Variants in UBE2O observed in about 807,000 individuals in gnomAD.
UBE2O encodes the protein ubiquitin conjugating enzyme E2 O, also known as (E3-independent) E2 ubiquitin-conjugating enzyme.
A neutral mutation model predicts 125.8 loss-of-function variants in UBE2O; 15 were observed. That is an observed-to-expected ratio of 0.12 (90% CI 0.08 to 0.18). UBE2O has a LOEUF of 0.18. Ranked by LOEUF, UBE2O falls within the 10% of genes least tolerant of loss-of-function variation. The probability of loss-of-function intolerance (pLI) is 1.00; values close to 1 mark genes in which losing one functional copy is unlikely to be tolerated. For missense variants in UBE2O, 1,280 were observed against 1,723.6 expected, an observed-to-expected ratio of 0.74 and a Z score of 4.56; for synonymous variants, 708 against 703.2, an observed-to-expected ratio of 1.01 and a Z score of -0.11.
chr17:76,435,451 CACACAA>C (rs1376319416), intron 1 of UBE2O, among the ~76,000 whole-genome samples: 22 of 134,980 alleles, frequency 1.6e-4, no homozygotes, highest in Middle Eastern at 4.0e-3. Context: ...CACACACACA[CACACAA>C]AGATTAAGAT....
At chr17:76,447,800 C>T (rs915016889) in intron 1 of UBE2O, among the ~76,000 whole-genome samples, 1 of 152,158 alleles carries the variant, frequency 6.6e-6, no homozygotes, top group Non-Finnish European at 1.5e-5. Flanking sequence ...CCTTTTGCTT[C>T]CCAAGGTGCC....
intron 13 of UBE2O, 60 bp downstream of exon 13, chr17:76,397,739 G>T: frequency 6.5e-7 from 1 of 1,539,058 alleles, no homozygotes; most frequent in Non-Finnish European, 9.0e-7. Context: ...CACGCCTGTG[G>T]CCCCCGGCCC....
chr17:76,424,692 G>T (rs1598609106), intron 1 of UBE2O, among the ~76,000 whole-genome samples: 1 of 151,774 alleles, frequency 6.6e-6, no homozygotes. Flanking sequence ...CTGGGCAACA[G>T]AGTAAGACCC....
intron 5 of UBE2O, chr17:76,401,812 G>A (rs1017949840): frequency 6.9e-6 from 2 of 291,616 alleles, no homozygotes; most frequent in Non-Finnish European, 1.3e-5. Flanking sequence ...GGAGGTGGAG[G>A]TTGCAGTGAG....
chr17:76,399,042 G>A lies in UBE2O; in HGVS notation c.1629-51C>T. On this transcript the variant is annotated intron_variant, in intron 9 of 17. Coordinates refer to ENST00000319380, the MANE Select transcript of UBE2O (RefSeq NM_022066.4). This position sits in a 1 kb window ranked among gnomAD's most constrained non-coding sequence, Gnocchi z 6.9. The stretch of plus-strand genomic sequence containing the variant: ...CCATGCAAACCCCACCCCCTCCGCG[G>A]AAAGGGCAGAGAGTCTTTCTGTCCC... 1.3e-6 allele frequency: 2 copies of A among 1,595,322 alleles called. No homozygotes were observed. Among genetic ancestry groups the A allele is most frequent in the Non-Finnish European group, 1.7e-6 (2 of 1,172,040 alleles).
rs1028387017 is a variant in UBE2O at position 76,390,703 on chromosome 17, A to T, written c.*240T>A. The T allele has an allele frequency of 2.4e-6, 1 of 424,510 alleles. No individual in the cohort carries two copies. Among genetic ancestry groups the T allele is most frequent in the African/African-American group, 2.0e-5 (1 of 49,148 alleles). The allele number at this position is 424,510 out of a possible 1,614,324, so 26.3% of individuals were successfully genotyped here. ...TGGGGTGACAAATGGAAAATCGGCA[A>T]CAGGGTTCCGATTTTCTTTGCCACA... On this transcript the variant is annotated 3_prime_UTR_variant, in exon 18 of 18. Transcript: ENST00000319380.
intron 1 of UBE2O, among the ~76,000 whole-genome samples, chr17:76,431,912 T>C (rs2072913888): frequency 6.6e-6 from 1 of 152,196 alleles, no homozygotes; most frequent in Admixed American, 6.5e-5. Flanking sequence ...GTCCCATGGA[T>C]TGCTGTGATC....
Position 76,395,951 on chromosome 17 carries a change from G to C in UBE2O, c.2810-90C>G. 6.3e-7 allele frequency: 1 copy of C among 1,575,546 alleles called. No homozygotes were observed. The highest frequency in any genetic ancestry group is 8.7e-7 in the Non-Finnish European group (1 of 1,156,026). ...GGCTGGACAGGTGAGCACACCCACA[G>C]ACTTCCCACTCGCCGCTGCTGGCCT... On this transcript the variant is annotated intron_variant, in intron 14 of 17. Transcript: ENST00000319380. This position sits in a 1 kb window ranked among gnomAD's most constrained non-coding sequence, Gnocchi z 5.0.
At chr17:76,403,945 T>C (rs2072374400) in intron 3 of UBE2O, among the ~76,000 whole-genome samples, 1 of 152,092 alleles carries the variant, frequency 6.6e-6, no homozygotes, top group Non-Finnish European at 1.5e-5. Context: ...GAACAGATAA[T>C]AGTAGTAATT....
chr17:76,442,015 G>T (rs549161358), intron 1 of UBE2O, among the ~76,000 whole-genome samples: 1 of 152,308 alleles, frequency 6.6e-6, no homozygotes, highest in African/African-American at 2.4e-5. Flanking sequence ...CCTAAGGTGA[G>T]GACTGGGTGC....
chr17:76,415,956 T>C (rs931226842), intron 1 of UBE2O, among the ~76,000 whole-genome samples: 9 of 151,934 alleles, frequency 5.9e-5, no homozygotes, highest in African/African-American at 1.5e-4. Flanking sequence ...CATATGCACA[T>C]ACACGTATAT....
chr17:76,439,754 G>A (rs187544948), intron 1 of UBE2O, among the ~76,000 whole-genome samples: 4 of 152,236 alleles, frequency 2.6e-5, no homozygotes, highest in Non-Finnish European at 4.4e-5. Context: ...CGCCCAGGAC[G>A]CCCTGCCCTC....
chr17:76,428,624 C>T (rs1361023343), intron 1 of UBE2O, among the ~76,000 whole-genome samples: 1 of 152,178 alleles, frequency 6.6e-6, no homozygotes, highest in Admixed American at 6.5e-5. Flanking sequence ...TGGCCTCTAC[C>T]TTCCATACTG....
chr17:76,420,406 C>T (rs2072689823), intron 1 of UBE2O, among the ~76,000 whole-genome samples: 2 of 151,718 alleles, frequency 1.3e-5, no homozygotes, highest in Admixed American at 6.6e-5. Context: ...CTTCCTGCAT[C>T]GTTTTGTTTT....
intron 1 of UBE2O, among the ~76,000 whole-genome samples, chr17:76,434,374 C>T (rs1482099979): frequency 1.3e-5 from 2 of 152,014 alleles, no homozygotes; most frequent in Non-Finnish European, 1.5e-5. Flanking sequence ...ATGGGAGAAA[C>T]GGAGAGGAAG....
chr17:76,397,778 G>A (rs769889286), intron 13 of UBE2O, 21 bp downstream of exon 13: 3 of 1,613,126 alleles, frequency 1.9e-6, no homozygotes, highest in Admixed American at 1.7e-5. Flanking sequence ...GCTCAGCAGG[G>A]GGGTCTTGCC....
chr17:76,447,975 G>A (rs59035745), intron 1 of UBE2O, among the ~76,000 whole-genome samples: 16,719 of 152,188 alleles, frequency 0.11, 1,180 homozygotes, highest in South Asian at 0.23. Context: ...GGATCATATC[G>A]GGGTTAGGAA....
Position 76,399,192 on chromosome 17 carries a change from T to G in UBE2O, c.1629-201A>C. On this transcript the variant is annotated intron_variant, in intron 9 of 17. Transcript: ENST00000319380. The surrounding 1 kb of genome is among the most constrained non-coding windows in gnomAD (Gnocchi z 6.9). ...GCATTCTCTGAGAACAGGATCCACT[T>G]GGGAGAGCTCAGGCAAATGTGGTTC... 1 of 777,538 alleles carries G rather than the reference T, an allele frequency of 1.3e-6. No homozygotes were observed. The highest frequency in any genetic ancestry group is 2.0e-6 in the Non-Finnish European group (1 of 498,076). 48.2% of individuals were successfully genotyped at this position (777,538 alleles called of 1,614,324 possible).
At chr17:76,442,686 T>C (rs934561526) in intron 1 of UBE2O, among the ~76,000 whole-genome samples, 7 of 152,130 alleles carry the variant, frequency 4.6e-5, no homozygotes, top group Non-Finnish European at 8.8e-5. Context: ...AGGCAGGAGA[T>C]AGAGCAGGAT....
Sources: allele counts gnomAD v4.1 joint callset (sites outside exome capture counted in the v4.1 genomes callset), GRCh38; gene constraint gnomAD v4.1.1; non-coding constraint Gnocchi (gnomAD v3.1); transcripts MANE v1.5; gene names NCBI Gene and HGNC (gene_info 2026-07-23, HGNC 2026-07-21).